Variants in OC90 observed in about 807,000 individuals in gnomAD.
OC90 encodes the protein otoconin-90.
Under a neutral mutation model 47.3 loss-of-function variants are expected in OC90, and 46 were observed. The ratio of observed to expected loss-of-function variants is 0.97; its 90% CI spans 0.77 to 1.24. OC90 has a LOEUF of 1.24. Ranked by LOEUF, OC90 falls within the 50% of genes most tolerant of loss-of-function variation. The probability of loss-of-function intolerance (pLI) is 0.00; values close to 1 mark genes in which losing one functional copy is unlikely to be tolerated. For missense variants in OC90, 688 were observed against 583.9 expected, an observed-to-expected ratio of 1.18 and a Z score of -1.84; for synonymous variants, 271 against 219.5, an observed-to-expected ratio of 1.23 and a Z score of -2.07.
intron 9 of OC90, chr8:132,036,490 T>C (rs1822965679): frequency 1.3e-6 from 1 of 775,206 alleles, no homozygotes; most frequent in African/African-American, 1.7e-5. Flanking sequence ...GGAAACAGAT[T>C]TGGGGGCTGA....
chr8:132,053,103 G>A (rs150937757), intron 2 of OC90, among the ~76,000 whole-genome samples: 38 of 152,084 alleles, frequency 2.5e-4, no homozygotes, highest in East Asian at 2.1e-3. Flanking sequence ...TGTTACCCTC[G>A]CATTACTGAC....
chr8:132,047,839 A>G (rs1024732931), intron 2 of OC90, among the ~76,000 whole-genome samples: 8 of 152,236 alleles, frequency 5.3e-5, no homozygotes, highest in African/African-American at 1.9e-4. Flanking sequence ...GTACCCTGCT[A>G]TGGTTTGAAT....
Position 132,050,605 on chromosome 8 carries a change from G to T in OC90, c.46+4376C>A, listed in dbSNP as rs532381552. Among the ~76,000 whole-genome samples, 10 of 152,298 alleles carry T rather than the reference G, an allele frequency of 6.6e-5. No homozygotes were observed. In the South Asian group the frequency reaches 2.1e-3, roughly 32 times the overall value. On this transcript the variant is annotated intron_variant, in intron 2 of 13. Transcript: ENST00000254627. ...ATGCCGGCTGTGAGACTTCGGGCACGTGTTCTTTCCTCGTTGAGCCTCACT... is the reference window on the plus strand; with the variant it reads ...ATGCCGGCTGTGAGACTTCGGGCACTTGTTCTTTCCTCGTTGAGCCTCACT...
intron 13 of OC90, among the ~76,000 whole-genome samples, chr8:132,028,634 GA>G (rs1563727583): frequency 6.8e-4 from 69 of 101,190 alleles, no homozygotes; most frequent in African/African-American, 1.7e-3. Flanking sequence ...AGGAAGGAAG[GA>G]AAGAAAGGAA....
intron 12 of OC90, 95 bp downstream of exon 12, chr8:132,031,786 G>T: frequency 9.0e-7 from 1 of 1,106,272 alleles, no homozygotes; most frequent in Non-Finnish European, 1.3e-6. Context: ...TGAGGCCCAA[G>T]TTTCAGCCTG....
intron 2 of OC90, among the ~76,000 whole-genome samples, chr8:132,049,324 T>C (rs948881772): frequency 7.5e-5 from 11 of 146,912 alleles, no homozygotes; most frequent in Non-Finnish European, 1.5e-4. Flanking sequence ...TAATGAGTAA[T>C]CAAGGCTCTT....
intron 4 of OC90, among the ~76,000 whole-genome samples, chr8:132,043,191 G>C (rs752007096): frequency 6.6e-6 from 1 of 152,226 alleles, no homozygotes; most frequent in Non-Finnish European, 1.5e-5. Context: ...GCATCCTTTA[G>C]GTGTCAGAAG....
intron 3 of OC90, 54 bp downstream of exon 3, chr8:132,045,764 A>G: frequency 1.0e-6 from 1 of 1,002,790 alleles, no homozygotes; most frequent in Middle Eastern, 2.1e-4. Context: ...TTCTCTGCCA[A>G]TATCCTAGAC....
chr8:132,042,231 T>C (rs6997428), intron 4 of OC90, among the ~76,000 whole-genome samples: 1 of 152,182 alleles, frequency 6.6e-6, no homozygotes, highest in Non-Finnish European at 1.5e-5. Flanking sequence ...AGTCTAAAGT[T>C]GAAAAAACAA....
intron 1 of OC90, among the ~76,000 whole-genome samples, chr8:132,055,735 A>G (rs1372256401): frequency 1.3e-5 from 2 of 152,134 alleles, no homozygotes; most frequent in African/African-American, 4.8e-5. Flanking sequence ...TGAGAGTTCA[A>G]TAGATACTCC....
At chr8:132,042,143 A>C (rs1823063335) in intron 4 of OC90, among the ~76,000 whole-genome samples, 1 of 148,326 alleles carries the variant, frequency 6.7e-6, no homozygotes, top group Non-Finnish European at 1.5e-5. Context: ...TTTGATCTAC[A>C]CCTTTTTTCT....
intron 9 of OC90, among the ~76,000 whole-genome samples, chr8:132,036,157 G>A (rs1351896231): frequency 6.6e-6 from 1 of 152,182 alleles, no homozygotes; most frequent in Non-Finnish European, 1.5e-5. Context: ...TAAAGTCTGG[G>A]CTTGGAGAAC....
chr8:132,040,824 C>G (rs961828551), intron 6 of OC90, among the ~76,000 whole-genome samples: 2 of 152,216 alleles, frequency 1.3e-5, no homozygotes, highest in East Asian at 1.9e-4. Context: ...ACTTGCTGAT[C>G]AGCTAATATT....
chr8:132,051,625 C>T (rs1823212906), intron 2 of OC90, among the ~76,000 whole-genome samples: 2 of 152,180 alleles, frequency 1.3e-5, no homozygotes, highest in Admixed American at 1.3e-4. Context: ...TGTGAGATTA[C>T]ATGAAATCTT....
At chr8:132,030,896 G>A (rs935866478) in intron 12 of OC90, among the ~76,000 whole-genome samples, 2 of 152,154 alleles carry the variant, frequency 1.3e-5, no homozygotes, top group African/African-American at 2.4e-5. Flanking sequence ...CCATATTCCT[G>A]CCATTACTGT....
In OC90 at chr8:132,024,748, C is replaced by G. The variant is rs761550943; in HGVS notation, c.1167G>C (p.Leu389Phe). The G allele has an allele frequency of 2.5e-6, 4 of 1,613,574 alleles. No individual in the cohort carries two copies. Among genetic ancestry groups the G allele is most frequent in the Middle Eastern group, 3.3e-4 (2 of 6,058 alleles). ...CTGCCGTCTGGTCACAGGCACAGAGCAACTTCTCACACAGGCTTTGGCCCC... is the reference window on the plus strand; with the variant it reads ...CTGCCGTCTGGTCACAGGCACAGAGGAACTTCTCACACAGGCTTTGGCCCC... ...KCGGQSLCEK[L>F]LCACDQTAAE... is the part of the protein sequence containing the mutation. Residue 389 changes from leucine (L) to phenylalanine (F), a missense_variant, in exon 14 of 14, where the codon TTG (leucine) becomes TTC (phenylalanine). Physicochemically the swap from Leu to Phe is conservative, Grantham distance 22. Coordinates refer to ENST00000254627, the MANE Select transcript of OC90 (RefSeq NM_001080399.3).
rs1266368060 is a variant in OC90 at position 132,024,286 on chromosome 8, T to G, written c.*195A>C. On this transcript the variant is annotated 3_prime_UTR_variant, in exon 14 of 14. Transcript: ENST00000254627. ...CATGGAGGTACCATGGTGTGCCTTC[T>G]CCAAGTGTACATTGGCTTGTGAGGT... 2.0e-6 allele frequency: 1 copy of G among 508,062 alleles called. No homozygotes were observed. 31.5% of individuals were successfully genotyped at this position (508,062 alleles called of 1,614,324 possible).
chr8:132,029,280 GA>G, intron 12 of OC90, 101 bp from the exon 13 acceptor site: 1 of 872,256 alleles, frequency 1.1e-6, no homozygotes, highest in Non-Finnish European at 1.9e-6. Context: ...AGTAGTGAGG[GA>G]AGCCAGTGCC....
rs181626829 is a variant in OC90, at chr8:132,024,279, T to C, written c.*202A>G. 3 of 498,724 alleles carry C rather than the reference T, an allele frequency of 6.0e-6. No homozygotes were observed. In the East Asian group the frequency reaches 8.7e-5, roughly 14 times the overall value. 30.9% of individuals were successfully genotyped at this position (498,724 alleles called of 1,614,324 possible). A position where few individuals can be genotyped will look rare whatever the true frequency, so the allele number is the denominator to read the frequency against. ...AAAGGAGCATGGAGGTACCATGGTG[T>C]GCCTTCTCCAAGTGTACATTGGCTT... is the stretch of plus-strand genomic sequence containing the variant. On this transcript the variant is annotated 3_prime_UTR_variant, in exon 14 of 14. Transcript: ENST00000254627.
Sources: gnomAD v4.1 joint callset for allele counts (sites outside exome capture counted in the v4.1 genomes callset) on GRCh38, gnomAD v4.1.1 for gene constraint, MANE v1.5 for transcripts, NCBI Gene and HGNC (gene_info 2026-07-23, HGNC 2026-07-21) for gene names.